Variants in DCC observed in about 807,000 individuals in gnomAD.
DCC encodes DCC netrin 1 receptor, also known as netrin receptor DCC.
A neutral mutation model predicts 172.5 loss-of-function variants in DCC; 58 were observed. The ratio of observed to expected loss-of-function variants is 0.34; its 90% CI spans 0.27 to 0.42. The LOEUF (loss-of-function observed/expected upper bound fraction) is 0.42, where lower values mean the gene tolerates loss of function less well. Among genes scored for constraint, DCC ranks in the 10% least tolerant of loss-of-function variants. The pLI, the probability that DCC is intolerant of heterozygous loss-of-function variation, is 1.00. For synonymous variants in DCC, 709 were observed against 644.5 expected (o/e 1.10, Z -1.52); for missense variants, 1,740 against 1,791.0 (o/e 0.97, Z 0.51).
At chr18:52,670,787 C>A (rs2035537855) in intron 1 of DCC, among the ~76,000 whole-genome samples, 1 of 152,018 alleles carries the variant, frequency 6.6e-6, no homozygotes, top group Admixed American at 6.5e-5. Context: ...TTGCAGTGAG[C>A]CGAGATTGCG....
chr18:52,492,951 G>C (rs2030579376), intron 1 of DCC, among the ~76,000 whole-genome samples: 1 of 152,108 alleles, frequency 6.6e-6, no homozygotes, highest in Admixed American at 6.6e-5. Context: ...GAAGGGGCAT[G>C]TTGAGATAAA....
At chr18:53,248,004 G>A (rs1172851047) in intron 12 of DCC, among the ~76,000 whole-genome samples, 1 of 151,868 alleles carries the variant, frequency 6.6e-6, no homozygotes, top group South Asian at 2.1e-4. Context: ...ACTGCTCCAT[G>A]TCTGATCTCT....
chr18:53,341,415 C>T (rs944655392), intron 15 of DCC, among the ~76,000 whole-genome samples: 1 of 152,158 alleles, frequency 6.6e-6, no homozygotes, highest in African/African-American at 2.4e-5. Context: ...GTTGGCAAAT[C>T]TCCCCAAATG....
intron 1 of DCC, among the ~76,000 whole-genome samples, chr18:52,553,855 C>T (rs56141237): frequency 0.02 from 3,046 of 152,040 alleles, 106 homozygotes; most frequent in East Asian, 0.094. Context: ...CATGCAAAGG[C>T]ATATAATGAA....
In DCC at chr18:52,470,358, T is replaced by G. The variant is rs117545901; in HGVS notation, c.91+129480T>G. ...GGTTCCAGAGAATTTAAAGAAGAGA[T>G]ATGCATTGTGAACATTTTCCCTGCA... On this transcript the variant is annotated intron_variant, in intron 1 of 28. Transcript: ENST00000442544. 4.4e-3 allele frequency among the ~76,000 whole-genome samples: 672 copies of G among 152,220 alleles called. 3 individuals carry two copies. Among genetic ancestry groups the G allele is most frequent in the East Asian group, 0.04 (208 of 5,170 alleles).
At chr18:53,375,976 C>T (rs1320276150) in intron 15 of DCC, among the ~76,000 whole-genome samples, 1 of 152,126 alleles carries the variant, frequency 6.6e-6, no homozygotes, top group Non-Finnish European at 1.5e-5. Flanking sequence ...TCGGGTCTTA[C>T]CTATATCTTT....
At chr18:52,392,162 G>A (rs1404209364) in intron 1 of DCC, among the ~76,000 whole-genome samples, 2 of 152,134 alleles carry the variant, frequency 1.3e-5, no homozygotes, top group Non-Finnish European at 2.9e-5. Context: ...GAAGCTCTAG[G>A]TAAGTGGCTG....
At chr18:53,137,040 G>A (rs2043754525) in intron 7 of DCC, among the ~76,000 whole-genome samples, 1 of 152,190 alleles carries the variant, frequency 6.6e-6, no homozygotes, top group Non-Finnish European at 1.5e-5. Context: ...GAAGAGGAGA[G>A]CAATAACTAA....
intron 2 of DCC, among the ~76,000 whole-genome samples, chr18:52,800,248 A>C (rs548956981): frequency 6.6e-6 from 1 of 152,316 alleles, no homozygotes; most frequent in Non-Finnish European, 1.5e-5. Flanking sequence ...CTGTGATGAA[A>C]ATGCCTGCAG....
chr18:53,071,953 A>G (rs900183893), intron 7 of DCC, among the ~76,000 whole-genome samples: 1 of 151,898 alleles, frequency 6.6e-6, no homozygotes, highest in Non-Finnish European at 1.5e-5. Flanking sequence ...ACATGGAGAA[A>G]CCCCATCTCT....
At chr18:52,899,737 C>T (rs111739233) in intron 2 of DCC, among the ~76,000 whole-genome samples, 1 of 151,996 alleles carries the variant, frequency 6.6e-6, no homozygotes, top group African/African-American at 2.4e-5. Flanking sequence ...CTTCAGTGAT[C>T]CTCCCACCTT....
rs189388569 is a variant in DCC, at chr18:52,934,299, T to A, written c.985+8929T>A. Reference sequence around the variant, plus strand: ...CATTGAAATTTCTTTGGCAGTAATCTCTAGAAACATAGACATCCCTCTGTG... The same window carrying A: ...CATTGAAATTTCTTTGGCAGTAATCACTAGAAACATAGACATCCCTCTGTG... On this transcript the variant is annotated intron_variant, in intron 5 of 28. Coordinates refer to ENST00000442544, the MANE Select transcript of DCC (RefSeq NM_005215.4). 2.1e-4 allele frequency among the ~76,000 whole-genome samples: 32 copies of A among 152,186 alleles called. No individual in the cohort carries two copies. The East Asian group carries it at 6.2e-3, about 30-fold the overall frequency.
At chr18:52,710,306 A>T (rs546921956) in intron 1 of DCC, among the ~76,000 whole-genome samples, 1 of 152,376 alleles carries the variant, frequency 6.6e-6, no homozygotes, top group East Asian at 1.9e-4. Context: ...ACTCATGATG[A>T]GCTGCAGTGA....
In DCC at chr18:53,499,330, C is replaced by T. The variant is rs2144445734; in HGVS notation, c.3931C>T (p.Pro1311Ser). The T allele has an allele frequency of 6.2e-7, 1 of 1,614,082 alleles. No individual in the cohort carries two copies. Among genetic ancestry groups the T allele is most frequent in the Non-Finnish European group, 8.5e-7 (1 of 1,180,000 alleles). Residue 1311 changes from proline (P) to serine (S), a missense_variant, in exon 27 of 29, where the codon CCT (proline) becomes TCT (serine). Pro to Ser is a moderately conservative substitution (Grantham distance 74). This residue lies in a region of DCC where 1,732 missense variants were observed against 1,767.4 expected (regional missense o/e 0.98). Coordinates refer to ENST00000442544, the MANE Select transcript of DCC (RefSeq NM_005215.4). ...TGAAGGACCAACTACCCAACAACCACCTATGCTGCCCCCATCTCAGCCTGA... is the reference window on the plus strand; with the variant it reads ...TGAAGGACCAACTACCCAACAACCATCTATGCTGCCCCCATCTCAGCCTGA... ...VSEGPTTQQP[P>S]MLPPSQPEHS... is the part of the protein sequence containing the mutation.
At chr18:52,668,602 T>C (rs1271415179) in intron 1 of DCC, among the ~76,000 whole-genome samples, 1 of 152,206 alleles carries the variant, frequency 6.6e-6, no homozygotes, top group African/African-American at 2.4e-5. Context: ...TATGTGGGTT[T>C]AGAACAGTGT....
chr18:52,590,254 T>C (rs894897279), intron 1 of DCC, among the ~76,000 whole-genome samples: 5 of 152,000 alleles, frequency 3.3e-5, no homozygotes, highest in African/African-American at 7.3e-5. Context: ...GTTAACATTA[T>C]CATACAGAAT....
intron 13 of DCC, among the ~76,000 whole-genome samples, chr18:53,318,506 T>A (rs2057369680): frequency 6.6e-6 from 1 of 152,182 alleles, no homozygotes. Context: ...GTCCTCTTGG[T>A]CCAGAGCCGA....
chr18:52,619,182 C>A (rs905308807), intron 1 of DCC, among the ~76,000 whole-genome samples: 1 of 152,190 alleles, frequency 6.6e-6, no homozygotes, highest in African/African-American at 2.4e-5. Flanking sequence ...AAGTGATCCA[C>A]CTGCCTCTGC....
At chr18:53,248,508 T>C (rs550287831) in intron 12 of DCC, among the ~76,000 whole-genome samples, 1 of 152,088 alleles carries the variant, frequency 6.6e-6, no homozygotes, top group East Asian at 1.9e-4. Flanking sequence ...TAGTAGCTAA[T>C]TTGTGATCAT....
Sources: allele counts gnomAD v4.1 joint callset (sites outside exome capture counted in the v4.1 genomes callset), GRCh38; gene constraint gnomAD v4.1.1; regional missense constraint gnomAD v4.1.1; transcripts MANE v1.5; gene names NCBI Gene and HGNC (gene_info 2026-07-23, HGNC 2026-07-21).